Variants in TGFBR3 observed in about 807,000 individuals in gnomAD.
The protein encoded by TGFBR3 is transforming growth factor beta receptor type 3.
TGFBR3 carries 46 observed loss-of-function variants against 87.9 expected under a neutral mutation model. The ratio of observed to expected loss-of-function variants is 0.52; its 90% CI spans 0.41 to 0.67. The LOEUF (loss-of-function observed/expected upper bound fraction) is 0.67. Ranked by LOEUF, TGFBR3 falls within the 30% of genes least tolerant of loss-of-function variation. TGFBR3 has a pLI of 0.00. For synonymous variants in TGFBR3, 381 were observed against 391.6 expected, an observed-to-expected ratio of 0.97 and a Z score of 0.32; for missense variants, 866 against 1,041.9, an observed-to-expected ratio of 0.83 and a Z score of 2.32.
chr1:91,786,291 G>C (rs1381843881), intron 3 of TGFBR3: 2 of 455,778 alleles, frequency 4.4e-6, no homozygotes, highest in Admixed American at 4.7e-5. Flanking sequence ...TTTATGAAGA[G>C]GTTCACAAGC....
At chr1:91,823,083 A>G (rs938757422) in intron 2 of TGFBR3, among the ~76,000 whole-genome samples, 1 of 152,172 alleles carries the variant, frequency 6.6e-6, no homozygotes, top group Admixed American at 6.5e-5. Flanking sequence ...TCACAGTCTA[A>G]TGGGAAAGAT....
intron 13 of TGFBR3, among the ~76,000 whole-genome samples, chr1:91,710,389 A>C (rs1671937649): frequency 2.6e-5 from 4 of 152,114 alleles, no homozygotes. Flanking sequence ...GTTTTAGTTT[A>C]CTGTTACTTT....
chr1:91,828,936 C>A (rs955798584), intron 2 of TGFBR3, among the ~76,000 whole-genome samples: 5 of 152,152 alleles, frequency 3.3e-5, no homozygotes, highest in African/African-American at 1.2e-4. Context: ...CTGACTTATA[C>A]GTACGTGAAG....
intron 16 of TGFBR3, among the ~76,000 whole-genome samples, chr1:91,685,348 A>G (rs1571404927): frequency 9.7e-6 from 1 of 102,712 alleles, no homozygotes; most frequent in African/African-American, 4.0e-5. Context: ...TGTGAGACGG[A>G]GTCTCGCTCT....
chr1:91,818,050 G>T (rs1212586939), intron 2 of TGFBR3, among the ~76,000 whole-genome samples: 2 of 151,888 alleles, frequency 1.3e-5, no homozygotes, highest in Non-Finnish European at 2.9e-5. Context: ...AGGCTTGATG[G>T]TTACTTAGCT....
chr1:91,868,553 T>C (rs903859871), intron 1 of TGFBR3, among the ~76,000 whole-genome samples: 17 of 152,166 alleles, frequency 1.1e-4, no homozygotes, highest in Non-Finnish European at 5.9e-5. Flanking sequence ...CTCGATTCTA[T>C]TTGATGATTC....
intron 1 of TGFBR3, among the ~76,000 whole-genome samples, chr1:91,901,748 T>TA (rs112378998): frequency 0.44 from 63,364 of 143,820 alleles, 13,767 homozygotes; most frequent in Admixed American, 0.51. Flanking sequence ...ACCTGGTGCT[T>TA]AAAAAAAAAA....
intron 2 of TGFBR3, among the ~76,000 whole-genome samples, chr1:91,828,263 A>AC (rs748493831): frequency 4.6e-5 from 7 of 152,132 alleles, no homozygotes; most frequent in Non-Finnish European, 1.0e-4. Flanking sequence ...TTTCAAATGT[A>AC]ACCATGCACA....
intron 3 of TGFBR3, among the ~76,000 whole-genome samples, chr1:91,772,491 T>G (rs1384914823): frequency 2.6e-5 from 4 of 152,176 alleles, no homozygotes; most frequent in African/African-American, 9.6e-5. Context: ...CAGGTCATAG[T>G]CCCTCAATAA....
rs908238687 is a variant in TGFBR3, at chr1:91,717,699, A to C, written c.1567-991T>G. On this transcript the variant is annotated intron_variant, in intron 10 of 16. Coordinates refer to ENST00000212355, the MANE Select transcript of TGFBR3 (RefSeq NM_003243.5). ...GGATGGGAAGAAAATTAAAAAAAAA[A>C]AACAAACTGCCTTTCTCTCTGTACC... Among the ~76,000 whole-genome samples the C allele has an allele frequency of 1.5e-4, 21 of 143,076 alleles. 1 individual carries two copies. The East Asian group carries it at 3.1e-3, about 21-fold the overall frequency. The allele number at this position is 143,076 out of a possible 152,430, so 93.9% of individuals were successfully genotyped here. A position where few individuals can be genotyped will look rare whatever the true frequency, so the allele number is the denominator to read the frequency against.
chr1:91,711,458 T>C (rs1671978623), intron 13 of TGFBR3, among the ~76,000 whole-genome samples: 1 of 152,220 alleles, frequency 6.6e-6, no homozygotes, highest in South Asian at 2.1e-4. Flanking sequence ...TTAATAACAC[T>C]GCTTGATTCT....
chr1:91,833,640 C>T (rs1255005818), intron 2 of TGFBR3, among the ~76,000 whole-genome samples: 6 of 150,872 alleles, frequency 4.0e-5, no homozygotes, highest in Admixed American at 6.6e-5. Context: ...TGGCTGGGTG[C>T]GGTGGCACAC....
At chr1:91,759,961 T>A (rs1673900963) in intron 3 of TGFBR3, among the ~76,000 whole-genome samples, 1 of 152,244 alleles carries the variant, frequency 6.6e-6, no homozygotes, top group Non-Finnish European at 1.5e-5. Context: ...TCTACCTTTT[T>A]TTGTAGGGAC....
intron 8 of TGFBR3, 27 bp from the exon 9 acceptor site, chr1:91,720,257 A>G (rs377296357): frequency 6.4e-7 from 1 of 1,554,732 alleles, no homozygotes; most frequent in Non-Finnish European, 8.7e-7. Flanking sequence ...GCAAAACATC[A>G]GCAGTGTTTG....
At chr1:91,696,984 T>C (rs1671455098) in intron 15 of TGFBR3, among the ~76,000 whole-genome samples, 1 of 152,188 alleles carries the variant, frequency 6.6e-6, no homozygotes, top group South Asian at 2.1e-4. Context: ...AGACCTGTGC[T>C]CTTTGGTGTG....
chr1:91,729,248 C>G (rs1672672050), intron 6 of TGFBR3, among the ~76,000 whole-genome samples: 1 of 141,778 alleles, frequency 7.1e-6, no homozygotes, highest in African/African-American at 2.7e-5. Context: ...TGGTATGGCA[C>G]CATGAAGAGC....
chr1:91,870,908 T>C (rs977239978), intron 1 of TGFBR3, among the ~76,000 whole-genome samples: 1 of 152,084 alleles, frequency 6.6e-6, no homozygotes, highest in Non-Finnish European at 1.5e-5. Flanking sequence ...TGGTGGCGCA[T>C]GCCAATAGTC....
At chr1:91,870,607 A>G (rs1678545224) in intron 1 of TGFBR3, among the ~76,000 whole-genome samples, 9 of 152,204 alleles carry the variant, frequency 5.9e-5, no homozygotes, top group Admixed American at 5.9e-4. Flanking sequence ...CTGAACACCT[A>G]TCATGTATAT....
At chr1:91,898,399 T>C (rs911699552) in intron 2 of TGFBR3, among the ~76,000 whole-genome samples, 2 of 152,136 alleles carry the variant, frequency 1.3e-5, no homozygotes, top group East Asian at 3.8e-4. Flanking sequence ...CAGTACATAA[T>C]CTGTAACTTG....
Sources: gnomAD v4.1 joint callset for allele counts (sites outside exome capture counted in the v4.1 genomes callset) on GRCh38, gnomAD v4.1.1 for gene constraint, MANE v1.5 for transcripts, NCBI Gene and HGNC (gene_info 2026-07-23, HGNC 2026-07-21) for gene names.